Variants in ASIC2 observed in about 807,000 individuals in gnomAD.
ASIC2 encodes acid-sensing ion channel 2.
In ASIC2, 25 loss-of-function variants were observed where a neutral mutation model predicts 57.3. The ratio of observed to expected loss-of-function variants is 0.44; its 90% CI spans 0.32 to 0.61. The LOEUF is 0.61. Ranked by LOEUF, ASIC2 falls within the 20% of genes least tolerant of loss-of-function variation. The pLI is 0.06. For synonymous variants in ASIC2, 319 were observed against 307.5 expected (o/e 1.04, Z -0.39); for missense variants, 641 against 738.1 (o/e 0.87, Z 1.52).
At chr17:33,222,484 A>G (rs530219586) in intron 1 of ASIC2, among the ~76,000 whole-genome samples, 14 of 152,358 alleles carry the variant, frequency 9.2e-5, no homozygotes, top group African/African-American at 2.4e-4. Flanking sequence ...AAATTCTGTT[A>G]CTGTGATAGA....
Position 33,135,200 on chromosome 17 carries a change from A to G in ASIC2, c.709-23133T>C, listed in dbSNP as rs116545278. The stretch of plus-strand genomic sequence containing the variant: ...CATCCTTCTTCCACCCCAGCTGCCC[A>G]GGACCTCAGGAAAGTGCCCGGAACA... On this transcript the variant is annotated intron_variant, in intron 1 of 9. Coordinates refer to ENST00000225823, the MANE Select transcript of ASIC2 (RefSeq NM_183377.2). 2.7e-3 allele frequency among the ~76,000 whole-genome samples: 404 copies of G among 152,220 alleles called. 1 individual carries two copies. Among genetic ancestry groups the G allele is most frequent in the African/African-American group, 9.3e-3 (387 of 41,538 alleles).
At chr17:33,739,441 C>T (rs1291321266) in intron 1 of ASIC2, among the ~76,000 whole-genome samples, 2 of 152,194 alleles carry the variant, frequency 1.3e-5, no homozygotes, top group Admixed American at 6.5e-5. Flanking sequence ...TTGTAGCAGG[C>T]CCTTGACAAG....
chr17:33,367,815 A>G (rs751695282), intron 1 of ASIC2, among the ~76,000 whole-genome samples: 1 of 152,242 alleles, frequency 6.6e-6, no homozygotes, highest in Non-Finnish European at 1.5e-5. Context: ...CTTGTCCATT[A>G]TAACGAGGCC....
intron 1 of ASIC2, among the ~76,000 whole-genome samples, chr17:33,649,160 C>T (rs1376811322): frequency 6.6e-6 from 1 of 152,128 alleles, no homozygotes; most frequent in African/African-American, 2.4e-5. Context: ...ATATAAAGTA[C>T]CAAAGAATCC....
intron 1 of ASIC2, among the ~76,000 whole-genome samples, chr17:33,630,688 T>C (rs548919162): frequency 1.3e-5 from 2 of 152,300 alleles, no homozygotes; most frequent in African/African-American, 4.8e-5. Context: ...CTCTGTAATA[T>C]GGAAAAGATA....
intron 3 of ASIC2, among the ~76,000 whole-genome samples, chr17:33,060,421 C>A (rs2092016073): frequency 6.6e-6 from 1 of 152,162 alleles, no homozygotes; most frequent in Admixed American, 6.5e-5. Flanking sequence ...AATAGGGAAT[C>A]CTTTCCCCAT....
intron 1 of ASIC2, among the ~76,000 whole-genome samples, chr17:33,566,876 C>T (rs1162758083): frequency 2.0e-5 from 3 of 151,992 alleles, no homozygotes; most frequent in African/African-American, 7.3e-5. Flanking sequence ...GCCTCCACTC[C>T]TCTACACATG....
At chr17:33,472,141 T>C (rs1913074023) in intron 1 of ASIC2, among the ~76,000 whole-genome samples, 1 of 151,766 alleles carries the variant, frequency 6.6e-6, no homozygotes, top group African/African-American at 2.4e-5. Context: ...CACCTCAGCC[T>C]CCCAAGTAGC....
chr17:33,823,014 A>G (rs914313663), intron 1 of ASIC2, among the ~76,000 whole-genome samples: 3 of 152,178 alleles, frequency 2.0e-5, no homozygotes, highest in African/African-American at 4.8e-5. Context: ...CATGCAGAAG[A>G]TATGCAGTGT....
intron 1 of ASIC2, among the ~76,000 whole-genome samples, chr17:33,256,771 G>A (rs1048036832): frequency 7.2e-5 from 11 of 152,194 alleles, no homozygotes; most frequent in African/African-American, 2.4e-4. Flanking sequence ...GGCAGAGGTT[G>A]CAGTGAGCCA....
At chr17:33,724,532 C>T (rs551962075) in intron 1 of ASIC2, among the ~76,000 whole-genome samples, 9 of 152,006 alleles carry the variant, frequency 5.9e-5, no homozygotes, top group South Asian at 2.1e-4. Context: ...TGTGAAGGAG[C>T]GGAGGAGGGA....
chr17:33,528,684 C>T (rs1018182798), intron 1 of ASIC2, among the ~76,000 whole-genome samples: 1 of 152,142 alleles, frequency 6.6e-6, no homozygotes, highest in Non-Finnish European at 1.5e-5. Context: ...CAAGGCTAGC[C>T]GTGCTGCTCT....
At chr17:33,417,487 C>T (rs995165879) in intron 1 of ASIC2, among the ~76,000 whole-genome samples, 1 of 152,190 alleles carries the variant, frequency 6.6e-6, no homozygotes, top group Non-Finnish European at 1.5e-5. Flanking sequence ...TTGCTCTTCT[C>T]CTTAATGCCT....
At chr17:33,325,618 G>A (rs1313142821) in intron 1 of ASIC2, among the ~76,000 whole-genome samples, 3 of 152,110 alleles carry the variant, frequency 2.0e-5, no homozygotes, top group Non-Finnish European at 2.9e-5. Context: ...GATGGGTGGC[G>A]ATTTAACTAG....
At chr17:33,406,302 G>A (rs1057031866) in intron 1 of ASIC2, among the ~76,000 whole-genome samples, 2 of 152,158 alleles carry the variant, frequency 1.3e-5, no homozygotes, top group African/African-American at 4.8e-5. Context: ...GAACATTAAG[G>A]TGCTGTGTCT....
intron 1 of ASIC2, among the ~76,000 whole-genome samples, chr17:33,962,250 G>C (rs1904947284): frequency 6.6e-6 from 1 of 152,138 alleles, no homozygotes; most frequent in African/African-American, 2.4e-5. Flanking sequence ...GTAAACATAG[G>C]GTTCTTTGGA....
In ASIC2 at chr17:33,336,698, C is replaced by T. The variant is rs183430632; in HGVS notation, c.556-224631G>A. On this transcript the variant is annotated intron_variant, in intron 1 of 9. Coordinates refer to the ASIC2 transcript ENST00000359872. Reference sequence around the variant, plus strand: ...GTGTCTGGCGGTGATCAGCATTTTCCAAGGCTCTGTCAGAAAGTTGAACAC... The same window carrying T: ...GTGTCTGGCGGTGATCAGCATTTTCTAAGGCTCTGTCAGAAAGTTGAACAC... Among the ~76,000 whole-genome samples the T allele has an allele frequency of 8.7e-4, 133 of 152,228 alleles. 1 individual carries two copies. The highest frequency in any genetic ancestry group is 2.9e-3 in the African/African-American group (120 of 41,544).
At chr17:34,155,816 C>T in intron 1 of ASIC2, 1 of 751,592 alleles carries the variant, frequency 1.3e-6, no homozygotes, top group Non-Finnish European at 2.1e-6. Context: ...TTCCCTGCAA[C>T]CAGCTCGCAC....
Position 33,807,279 on chromosome 17 carries a change from T to C in ASIC2, c.555+348699A>G, listed in dbSNP as rs192841140. Among the ~76,000 whole-genome samples, 13 of 152,330 alleles carry C rather than the reference T, an allele frequency of 8.5e-5. No homozygotes were observed. The East Asian group carries it at 2.5e-3, about 29-fold the overall frequency. ...TGGGTACTGAGCAGGTGATAGGATT[T>C]AGAAGTGTATTCTGTATGGCTATAG... is the stretch of plus-strand genomic sequence containing the variant. On this transcript the variant is annotated intron_variant, in intron 1 of 9. Transcript: ENST00000359872.
Sources: gnomAD v4.1 joint callset for allele counts (sites outside exome capture counted in the v4.1 genomes callset) on GRCh38, gnomAD v4.1.1 for gene constraint, MANE v1.5 for transcripts, NCBI Gene and HGNC (gene_info 2026-07-23, HGNC 2026-07-21) for gene names.